Variants in VWA8 observed in about 807,000 individuals in gnomAD.
VWA8 encodes von Willebrand factor A domain-containing protein 8.
VWA8 carries 221 observed loss-of-function variants against 241.5 expected under a neutral mutation model. The ratio of observed to expected loss-of-function variants is 0.91; its 90% confidence interval spans 0.82 to 1.02. The LOEUF (loss-of-function observed/expected upper bound fraction) is 1.02, where lower values mean the gene tolerates loss of function less well. Among genes scored for constraint, VWA8 ranks in the 50% least tolerant of loss-of-function variants. VWA8 has a pLI of 0.00. For missense variants in VWA8, 2,322 were observed against 2,328.7 expected, an observed-to-expected ratio of 1.00 and a Z score of 0.06; for synonymous variants, 852 against 827.1, an observed-to-expected ratio of 1.03 and a Z score of -0.52.
Position 41,844,693 on chromosome 13 carries a change from T to C in VWA8, c.1426-11162A>G, listed in dbSNP as rs560664144. ...GTAGCATTCCTACATACCAGTAACATTCAACATTGAATGGATACACCGATA... is the reference window on the plus strand; with the variant it reads ...GTAGCATTCCTACATACCAGTAACACTCAACATTGAATGGATACACCGATA... On this transcript the variant is annotated intron_variant, in intron 12 of 44. Transcript: ENST00000379310. Among the ~76,000 whole-genome samples the C allele has an allele frequency of 5.9e-5, 9 of 152,078 alleles. No individual in the cohort carries two copies. In the East Asian group the frequency reaches 1.7e-3, roughly 29 times the overall value.
chr13:41,718,628 T>C (rs1480508642), intron 26 of VWA8, among the ~76,000 whole-genome samples: 1 of 151,868 alleles, frequency 6.6e-6, no homozygotes, highest in African/African-American at 2.4e-5. Context: ...TCTATTGGCA[T>C]ATATCCTGAC....
chr13:41,679,485 CA>C, intron 35 of VWA8, among the ~76,000 whole-genome samples: 1 of 152,048 alleles, frequency 6.6e-6, no homozygotes, highest in South Asian at 2.1e-4. Context: ...ACCCAAAGTT[CA>C]AAAAAACATT....
At chr13:41,739,848 GT>G (rs1179107917) in intron 21 of VWA8, among the ~76,000 whole-genome samples, 1,609 of 50,894 alleles carry the variant, frequency 0.032, 90 homozygotes, top group East Asian at 0.2. Flanking sequence ...TGTTTTTTTT[GT>G]TTTTTTTGTT....
chr13:41,931,655 A>G (rs1241123951), intron 2 of VWA8, among the ~76,000 whole-genome samples: 2 of 152,142 alleles, frequency 1.3e-5, no homozygotes, highest in African/African-American at 4.8e-5. Context: ...CCATTTTACT[A>G]TCTATATATA....
chr13:41,642,803 C>G (rs1048043860), intron 37 of VWA8, among the ~76,000 whole-genome samples: 1 of 151,688 alleles, frequency 6.6e-6, no homozygotes, highest in Non-Finnish European at 1.5e-5. Context: ...GTGACAGGCA[C>G]CTGTGGTCCC....
intron 12 of VWA8, among the ~76,000 whole-genome samples, chr13:41,857,926 G>A (rs1872824067): frequency 6.6e-6 from 1 of 152,234 alleles, no homozygotes; most frequent in African/African-American, 2.4e-5. Context: ...CATCTAATCA[G>A]TTGGAGGCCT....
intron 14 of VWA8, among the ~76,000 whole-genome samples, chr13:41,819,970 T>C (rs75576620): frequency 8.6e-4 from 131 of 152,312 alleles, no homozygotes; most frequent in East Asian, 2.9e-3. Flanking sequence ...GTCATTCTTA[T>C]AGGAAATGTT....
In VWA8 at chr13:41,948,704, T is replaced by C. The variant is rs74321013; in HGVS notation, c.241+1232A>G. Among the ~76,000 whole-genome samples, 35 of 152,324 alleles carry C rather than the reference T, an allele frequency of 2.3e-4. No homozygotes were observed. In the East Asian group the frequency reaches 6.4e-3, roughly 28 times the overall value. ...AGTTAAAAAGTTAAACAGGCATCTATAGTATGACATATCAACTCAACTCCT... is the reference window on the plus strand; with the variant it reads ...AGTTAAAAAGTTAAACAGGCATCTACAGTATGACATATCAACTCAACTCCT... On this transcript the variant is annotated intron_variant, in intron 2 of 44. Coordinates refer to ENST00000379310, the MANE Select transcript of VWA8 (RefSeq NM_015058.2).
At chr13:41,821,894 G>A (rs1870974673) in intron 14 of VWA8, among the ~76,000 whole-genome samples, 1 of 152,060 alleles carries the variant, frequency 6.6e-6, no homozygotes, top group African/African-American at 2.4e-5. Flanking sequence ...CTATGTGAAA[G>A]AAGCCAGACA....
At chr13:41,886,163 C>A in intron 7 of VWA8, 135 bp from the exon 8 acceptor site, 1 of 628,380 alleles carries the variant, frequency 1.6e-6, no homozygotes, top group Non-Finnish European at 2.7e-6. Flanking sequence ...ACAATGGTTC[C>A]GCATCATAAT....
rs201234564 is a variant in VWA8 at position 41,615,000 on chromosome 13, C to T, written c.4696G>A (p.Gly1566Ser). The T allele has an allele frequency of 1.5e-5, 24 of 1,613,398 alleles. No individual in the cohort carries two copies. The highest frequency in any genetic ancestry group is 1.9e-5 in the Non-Finnish European group (22 of 1,179,956). Residue 1566 changes from glycine (G) to serine (S), a missense_variant, in exon 38 of 45, where the codon GGC becomes AGC. Physicochemically the swap from Gly to Ser is moderately conservative, Grantham distance 56 (BLOSUM62 0). Coordinates refer to ENST00000379310, the MANE Select transcript of VWA8 (RefSeq NM_015058.2). Reference protein sequence around the residue: ...EDPDNMPHVGGNTWAGGTGGR... With the variant: ...EDPDNMPHVGSNTWAGGTGGR... ...CCTGTTCCGCCAGCCCAAGTGTTGCCGCCCACGTGAGGCATGTTGTCTGGG... is the reference window on the plus strand; with the variant it reads ...CCTGTTCCGCCAGCCCAAGTGTTGCTGCCCACGTGAGGCATGTTGTCTGGG...
intron 32 of VWA8, among the ~76,000 whole-genome samples, chr13:41,690,934 G>A (rs2045172656): frequency 6.6e-6 from 1 of 152,146 alleles, no homozygotes; most frequent in African/African-American, 2.4e-5. Context: ...CTTCTAAGGT[G>A]TGAACTCTGT....
intron 20 of VWA8, among the ~76,000 whole-genome samples, chr13:41,770,282 T>C (rs1307015119): frequency 2.0e-5 from 3 of 150,792 alleles, no homozygotes; most frequent in Admixed American, 6.6e-5. Context: ...TTACTAAAAA[T>C]ACAAAAAAAT....
intron 2 of VWA8, among the ~76,000 whole-genome samples, chr13:41,920,066 C>T (rs1038554919): frequency 2.0e-5 from 3 of 151,998 alleles, no homozygotes; most frequent in African/African-American, 4.8e-5. Flanking sequence ...TCCCCTGGGC[C>T]GTATCTGTGC....
Position 41,887,313 on chromosome 13 carries a change from C to T in VWA8, c.700G>A (p.Glu234Lys). ...CCCAAGGCAATCACTCGGAAATTTT[C>T]ACTAACTCGGACAATTTTCCAAGAA... ...LDSWKIVRVS[E>K]NFRVIALGLP... Residue 234 changes from glutamate (E) to lysine (K), a missense_variant, in exon 6 of 45, where the codon GAA (glutamate) becomes AAA (lysine). Transcript: ENST00000379310. 1 of 1,613,402 alleles carries T rather than the reference C, an allele frequency of 6.2e-7. No individual in the cohort carries two copies. Among genetic ancestry groups the T allele is most frequent in the Non-Finnish European group, 8.5e-7 (1 of 1,179,772 alleles).
Position 41,699,289 on chromosome 13 carries a change from GT to G in VWA8, c.3365-20del, listed in dbSNP as rs761380610. ...TCATTTTCTGAAATGACAAAAAGGT[GT>G]TAATTTTGTGGCTGGCAACCAATTC... On this transcript the variant is annotated intron_variant, in intron 28 of 44. Transcript: ENST00000379310. The G allele has an allele frequency of 5.0e-6, 8 of 1,612,162 alleles. No individual in the cohort carries two copies. In the Admixed American group the frequency reaches 1.3e-4, roughly 27 times the overall value.
intron 9 of VWA8, among the ~76,000 whole-genome samples, chr13:41,882,124 C>G: frequency 6.7e-6 from 1 of 148,680 alleles, no homozygotes; most frequent in East Asian, 2.0e-4. Flanking sequence ...ACCTCCCAGA[C>G]GGGGTCGCGG....
intron 29 of VWA8, among the ~76,000 whole-genome samples, chr13:41,697,781 C>T (rs935313950): frequency 9.9e-5 from 15 of 152,150 alleles, no homozygotes; most frequent in African/African-American, 2.7e-4. Context: ...TACTGGTCTG[C>T]GGCCTGGGAG....
At chr13:41,628,646 G>C (rs140621828) in intron 37 of VWA8, among the ~76,000 whole-genome samples, 1 of 152,134 alleles carries the variant, frequency 6.6e-6, no homozygotes, top group Admixed American at 6.5e-5. Flanking sequence ...AATGCAGCTA[G>C]AGGCCATTAT....
Sources: gnomAD v4.1 joint callset for allele counts (sites outside exome capture counted in the v4.1 genomes callset) on GRCh38, gnomAD v4.1.1 for gene constraint, MANE v1.5 for transcripts, NCBI Gene and HGNC (gene_info 2026-07-23, HGNC 2026-07-21) for gene names.